Variants in CTXND2 observed in about 807,000 individuals in gnomAD.
The protein encoded by CTXND2 is cortexin domain containing 2.
chr1:150,898,754 CA>C (rs34434799), intron 1 of CTXND2, among the ~76,000 whole-genome samples: 121 of 81,202 alleles, frequency 1.5e-3, no homozygotes, highest in Admixed American at 3.0e-3. Flanking sequence ...GATTCTGACT[CA>C]AAAAAAAAAA....
intron 1 of CTXND2, among the ~76,000 whole-genome samples, chr1:150,909,576 T>G (rs1207215326): frequency 6.6e-6 from 1 of 152,026 alleles, no homozygotes; most frequent in Non-Finnish European, 1.5e-5. Context: ...AGTTTTAAAT[T>G]TTGATGAAGT....
intron 1 of CTXND2, among the ~76,000 whole-genome samples, chr1:150,908,727 A>G (rs1252999846): frequency 6.6e-6 from 1 of 151,492 alleles, no homozygotes; most frequent in Non-Finnish European, 1.5e-5. Flanking sequence ...GGCTCAAAGG[A>G]TCCTTCTGCC....
chr1:150,892,744 G>A (rs1382387782), intron 1 of CTXND2, among the ~76,000 whole-genome samples: 3 of 151,954 alleles, frequency 2.0e-5, no homozygotes, highest in Non-Finnish European at 4.4e-5. Context: ...TTACCATGTT[G>A]CTCAGGCTGG....
At position 150,907,213 on chromosome 1, in the gene CTXND2, T is replaced by G. The variant is rs1483851437; in HGVS notation, c.-73-5029T>G. On this transcript the variant is annotated intron_variant, in intron 1 of 1. Coordinates refer to ENST00000636087, the Ensembl canonical transcript of CTXND2. Reference sequence around the variant, plus strand: ...TATAATTCACATACAATTCAACCATTTCAAATGTACAATTGAATGGTTTTT... The same window carrying G: ...TATAATTCACATACAATTCAACCATGTCAAATGTACAATTGAATGGTTTTT... Among the ~76,000 whole-genome samples, 5 of 152,210 alleles carry G rather than the reference T, an allele frequency of 3.3e-5. No individual in the cohort carries two copies. In the East Asian group the frequency reaches 9.6e-4, roughly 29 times the overall value.
At position 150,896,706 on chromosome 1, in the gene CTXND2, A is replaced by G. The variant is rs1001360504; in HGVS notation, c.-74+9393A>G. ...TCTCAAAGTCATTCATTCATTCAAC[A>G]AAGTTTTACATACCCACTTTAGAAA... On this transcript the variant is annotated intron_variant, in intron 1 of 1. Transcript: ENST00000636087. Among the ~76,000 whole-genome samples the G allele has an allele frequency of 1.3e-5, 2 of 152,218 alleles. 1 individual carries two copies. Among genetic ancestry groups the G allele is most frequent in the South Asian group, 4.1e-4 (2 of 4,836 alleles).
chr1:150,907,139 A>G (rs947541013), intron 1 of CTXND2, among the ~76,000 whole-genome samples: 2 of 152,234 alleles, frequency 1.3e-5, no homozygotes, highest in Non-Finnish European at 2.9e-5. Flanking sequence ...CTATAAGATT[A>G]GGAATTTAAA....
At chr1:150,905,076 AC>A (rs1669113503) in intron 1 of CTXND2, among the ~76,000 whole-genome samples, 1 of 149,784 alleles carries the variant, frequency 6.7e-6, no homozygotes, top group Non-Finnish European at 1.5e-5. Context: ...ACACACACAC[AC>A]ACACACACAC....
intron 1 of CTXND2, among the ~76,000 whole-genome samples, chr1:150,898,618 T>C (rs1668944125): frequency 6.7e-6 from 1 of 149,020 alleles, no homozygotes; most frequent in African/African-American, 2.5e-5. Context: ...TAGCTGGGCG[T>C]GGTGGTGCCC....
intron 1 of CTXND2, among the ~76,000 whole-genome samples, chr1:150,889,386 CAA>C (rs1221744851): frequency 1.5e-5 from 2 of 129,738 alleles, no homozygotes; most frequent in Non-Finnish European, 3.2e-5. Flanking sequence ...GGCGACACAG[CAA>C]GACTCTGTCT....
At position 150,907,700 on chromosome 1, in the gene CTXND2, G is replaced by T. The variant is rs116135136; in HGVS notation, c.-73-4542G>T. 6.5e-3 allele frequency among the ~76,000 whole-genome samples: 913 copies of T among 139,882 alleles called. 8 individuals carry two copies. The highest frequency in any genetic ancestry group is 0.023 in the African/African-American group (871 of 38,688). 91.8% of individuals were successfully genotyped at this position (139,882 alleles called of 152,430 possible). ...AGGAGTGGAATTGCTGCGTCATATG[G>T]TGGCTTTTTTTTTTTTTTTTTTTTT... On this transcript the variant is annotated intron_variant, in intron 1 of 1. Transcript: ENST00000636087.
chr1:150,894,594 C>G lies in CTXND2; in HGVS notation c.-74+7281C>G, dbSNP rs903188859. Among the ~76,000 whole-genome samples the G allele has an allele frequency of 2.0e-5, 3 of 152,142 alleles. No homozygotes were observed. In the South Asian group the frequency reaches 6.2e-4, roughly 32 times the overall value. On this transcript the variant is annotated intron_variant, in intron 1 of 1. Transcript: ENST00000636087. ...ATTTATTTATTTTATTTAGCGGGTA[C>G]AAGTGCAGATTTCTCACATGCATAT...
At chr1:150,900,515 T>A (rs745812094) in intron 1 of CTXND2, among the ~76,000 whole-genome samples, 1 of 152,222 alleles carries the variant, frequency 6.6e-6, no homozygotes, top group Middle Eastern at 3.4e-3. Context: ...CTCGACACAA[T>A]GGTAGGCACC....
intron 1 of CTXND2, among the ~76,000 whole-genome samples, chr1:150,891,249 C>G (rs757533494): frequency 4.0e-5 from 6 of 151,248 alleles, no homozygotes; most frequent in Non-Finnish European, 8.8e-5. Context: ...GAGTCTCGCT[C>G]TGTCGCCCAG....
chr1:150,902,558 A>AT (rs1386163995), intron 1 of CTXND2, among the ~76,000 whole-genome samples: 1 of 152,100 alleles, frequency 6.6e-6, no homozygotes, highest in East Asian at 1.9e-4. Flanking sequence ...ACGGAAATGA[A>AT]TGAGATTCAT....
chr1:150,907,050 C>T (rs587744001), intron 1 of CTXND2, among the ~76,000 whole-genome samples: 3 of 152,290 alleles, frequency 2.0e-5, no homozygotes, highest in Non-Finnish European at 4.4e-5. Flanking sequence ...CACATTTTCC[C>T]CTTCCTTTCT....
At chr1:150,890,692 G>A (rs1403479072) in intron 1 of CTXND2, among the ~76,000 whole-genome samples, 2 of 151,822 alleles carry the variant, frequency 1.3e-5, no homozygotes, top group African/African-American at 4.8e-5. Context: ...TAGTAGAGAC[G>A]GGGTTTCTCC....
intron 1 of CTXND2, among the ~76,000 whole-genome samples, chr1:150,900,985 A>T (rs1669013469): frequency 6.6e-6 from 1 of 152,058 alleles, no homozygotes; most frequent in Non-Finnish European, 1.5e-5. Context: ...GGTGGCATGC[A>T]CCTGTAGTCC....
chr1:150,900,555 G>C (rs1387915799), intron 1 of CTXND2, among the ~76,000 whole-genome samples: 1 of 152,152 alleles, frequency 6.6e-6, no homozygotes, highest in African/African-American at 2.4e-5. Flanking sequence ...GAAACAGGCT[G>C]GAGAATCACT....
chr1:150,898,921 C>CAAAA (rs750129735), intron 1 of CTXND2, among the ~76,000 whole-genome samples: 47 of 126,120 alleles, frequency 3.7e-4, no homozygotes, highest in Non-Finnish European at 5.0e-4. Flanking sequence ...ACTAAAAATA[C>CAAAA]AAAAAAAAAA....
Sources: allele counts gnomAD v4.1 joint callset (sites outside exome capture counted in the v4.1 genomes callset), GRCh38; gene constraint gnomAD v4.1.1; transcripts MANE v1.5; gene names NCBI Gene and HGNC (gene_info 2026-07-23, HGNC 2026-07-21).